The following BAIAP2L1 variants were observed in gnomAD, a reference collection of about 807,000 sequenced individuals.
BAIAP2L1 encodes the protein BAR/IMD domain-containing adapter protein 2-like 1.
In BAIAP2L1, 35 loss-of-function variants were observed where a neutral mutation model predicts 66.3. The ratio of observed to expected loss-of-function variants is 0.53; its 90% CI spans 0.40 to 0.70. BAIAP2L1 has a LOEUF of 0.70. Ranked by LOEUF, BAIAP2L1 falls within the 30% of genes least tolerant of loss-of-function variation. The pLI is 0.00. For missense variants in BAIAP2L1, 622 were observed against 656.9 expected (o/e 0.95, Z 0.58); for synonymous variants, 269 against 248.7 (o/e 1.08, Z -0.77).
rs185625922 is a variant in BAIAP2L1 at position 98,325,317 on chromosome 7, G to A, written c.215-5019C>T. 1.6e-3 allele frequency among the ~76,000 whole-genome samples: 249 copies of A among 151,166 alleles called. 1 individual carries two copies. Among genetic ancestry groups the A allele is most frequent in the African/African-American group, 5.9e-3 (242 of 41,128 alleles). On this transcript the variant is annotated intron_variant, in intron 3 of 13. Coordinates refer to ENST00000005260, the MANE Select transcript of BAIAP2L1 (RefSeq NM_018842.5). ...AGAACTGCAGAGGTGGCAGTGAGCC[G>A]AGATCAGGCCACTGCACTCCAGCCT...
intron 3 of BAIAP2L1, among the ~76,000 whole-genome samples, chr7:98,330,483 C>A (rs560109169): frequency 1.3e-5 from 2 of 151,900 alleles, no homozygotes; most frequent in Non-Finnish European, 2.9e-5. Context: ...CATGATGAAA[C>A]CCTGTCTCTA....
intron 7 of BAIAP2L1, among the ~76,000 whole-genome samples, chr7:98,312,657 T>A (rs1440621653): frequency 6.6e-6 from 1 of 152,020 alleles, no homozygotes; most frequent in Non-Finnish European, 1.5e-5. Flanking sequence ...AAGCAGCACC[T>A]CCAACACAGG....
At chr7:98,333,123 C>T (rs1400804342) in intron 3 of BAIAP2L1, among the ~76,000 whole-genome samples, 3 of 152,190 alleles carry the variant, frequency 2.0e-5, no homozygotes, top group Non-Finnish European at 4.4e-5. Flanking sequence ...CTACCTAAAA[C>T]AGCTGCATCC....
At chr7:98,373,030 A>C (rs1291159523) in intron 1 of BAIAP2L1, among the ~76,000 whole-genome samples, 4 of 152,172 alleles carry the variant, frequency 2.6e-5, no homozygotes, top group African/African-American at 7.2e-5. Flanking sequence ...GCGAGCCAGC[A>C]CGCCCGGTCA....
chr7:98,345,808 GA>G (rs1248034731), intron 3 of BAIAP2L1, among the ~76,000 whole-genome samples: 3 of 152,062 alleles, frequency 2.0e-5, no homozygotes, highest in Non-Finnish European at 4.4e-5. Context: ...GTAAGAACAT[GA>G]AAAGATGCTC....
rs77092172 is a variant in BAIAP2L1 at position 98,303,698 on chromosome 7, C to T, written c.1422+498G>A. On this transcript the variant is annotated intron_variant, in intron 12 of 13. Transcript: ENST00000005260. ...CCTCCATGCTGGGCCCCCAGAGGCA[C>T]GTTAGGGTTATCTTTCAGGGTTATC... is the stretch of plus-strand genomic sequence containing the variant. Among the ~76,000 whole-genome samples, 90 of 152,162 alleles carry T rather than the reference C, an allele frequency of 5.9e-4. No homozygotes were observed. The East Asian group carries it at 0.014, about 24-fold the overall frequency.
intron 7 of BAIAP2L1, among the ~76,000 whole-genome samples, chr7:98,313,885 C>T (rs1188690467): frequency 1.3e-5 from 2 of 151,498 alleles, no homozygotes; most frequent in Non-Finnish European, 2.9e-5. Flanking sequence ...CTGCCTTGGG[C>T]TCCCAAAGGG....
intron 3 of BAIAP2L1, among the ~76,000 whole-genome samples, chr7:98,337,787 G>A (rs916879792): frequency 5.3e-5 from 8 of 152,032 alleles, no homozygotes; most frequent in African/African-American, 1.7e-4. Flanking sequence ...GCTTGGTGAC[G>A]TGCACCTGTA....
At chr7:98,318,450 G>A (rs889177804) in intron 5 of BAIAP2L1, among the ~76,000 whole-genome samples, 3 of 151,564 alleles carry the variant, frequency 2.0e-5, no homozygotes, top group African/African-American at 7.3e-5. Context: ...AACCACGCCC[G>A]GCTGTATTTT....
At position 98,315,126 on chromosome 7, in the gene BAIAP2L1, C is replaced by T. The variant is rs114724799; in HGVS notation, c.639+334G>A. On this transcript the variant is annotated intron_variant, in intron 7 of 13. Transcript: ENST00000005260. ...GCGTGCATGTGTGTATATCTCTGTA[C>T]GTATGGACTGATTGAGACAGGGTCC... 4.9e-3 allele frequency among the ~76,000 whole-genome samples: 742 copies of T among 151,952 alleles called. 11 individuals carry two copies. The highest frequency in any genetic ancestry group is 0.017 in the African/African-American group (694 of 41,352).
rs530318606 is a variant in BAIAP2L1 at position 98,324,135 on chromosome 7, G to A, written c.215-3837C>T. Reference sequence around the variant, plus strand: ...ACCACTGTGCTGTGCACACTGGGGCGCCTGCTTCCTTTTTCCCCCGGTTAC... The same window carrying A: ...ACCACTGTGCTGTGCACACTGGGGCACCTGCTTCCTTTTTCCCCCGGTTAC... On this transcript the variant is annotated intron_variant, in intron 3 of 13. Coordinates refer to ENST00000005260, the MANE Select transcript of BAIAP2L1 (RefSeq NM_018842.5). 9.2e-5 allele frequency among the ~76,000 whole-genome samples: 14 copies of A among 152,306 alleles called. 2 individuals carry two copies. The South Asian group carries it at 2.7e-3, about 29-fold the overall frequency.
intron 3 of BAIAP2L1, among the ~76,000 whole-genome samples, chr7:98,353,990 A>C (rs1372092756): frequency 6.6e-6 from 1 of 150,794 alleles, no homozygotes; most frequent in Admixed American, 6.7e-5. Context: ...AAAATAAAAT[A>C]AAATAAAATA....
At chr7:98,389,148 T>G (rs1584506239) in intron 1 of BAIAP2L1, among the ~76,000 whole-genome samples, 1 of 151,866 alleles carries the variant, frequency 6.6e-6, no homozygotes, top group Non-Finnish European at 1.5e-5. Context: ...CATGTGAAGG[T>G]GACAGGGGGC....
chr7:98,368,368 G>A (rs1320844629), intron 1 of BAIAP2L1, among the ~76,000 whole-genome samples: 1 of 152,184 alleles, frequency 6.6e-6, no homozygotes, highest in Non-Finnish European at 1.5e-5. Flanking sequence ...GCAGTGAGCT[G>A]AGACCGTGCC....
chr7:98,357,182 A>C (rs1026695429), intron 2 of BAIAP2L1, among the ~76,000 whole-genome samples: 12 of 148,694 alleles, frequency 8.1e-5, no homozygotes, highest in African/African-American at 3.0e-4. Context: ...CCACAGAATT[A>C]ATTCATGTGC....
chr7:98,367,507 A>G (rs1802410995), intron 1 of BAIAP2L1, among the ~76,000 whole-genome samples: 2 of 142,576 alleles, frequency 1.4e-5, no homozygotes, highest in African/African-American at 5.1e-5. Context: ...AGTAGATGGG[A>G]TTATAGGCGC....
chr7:98,363,316 C>T (rs1009337700), intron 1 of BAIAP2L1, among the ~76,000 whole-genome samples: 4 of 152,094 alleles, frequency 2.6e-5, no homozygotes, highest in South Asian at 2.1e-4. Flanking sequence ...ATTACAGGCA[C>T]GAGCCACTGC....
chr7:98,320,983 A>G (rs1213575540), intron 3 of BAIAP2L1, among the ~76,000 whole-genome samples: 1 of 152,108 alleles, frequency 6.6e-6, no homozygotes, highest in Non-Finnish European at 1.5e-5. Flanking sequence ...CAGCCTCCCG[A>G]GTAGCTGGGA....
chr7:98,343,873 A>G (rs944798620), intron 3 of BAIAP2L1, among the ~76,000 whole-genome samples: 1 of 152,200 alleles, frequency 6.6e-6, no homozygotes, highest in African/African-American at 2.4e-5. Context: ...ACAAATGGGC[A>G]CAGCTGTGTT....
Sources: allele counts gnomAD v4.1 joint callset (sites outside exome capture counted in the v4.1 genomes callset), GRCh38; gene constraint gnomAD v4.1.1; transcripts MANE v1.5; gene names NCBI Gene and HGNC (gene_info 2026-07-23, HGNC 2026-07-21).